The following RBAK variants were observed in gnomAD, a reference collection of about 807,000 sequenced individuals.
RBAK encodes the protein RB-associated KRAB zinc finger protein.
RBAK carries 39 observed loss-of-function variants against 65.8 expected under a neutral mutation model. The observed-to-expected ratio is 0.59, with a 90% CI of 0.46 to 0.77. The LOEUF is 0.77. RBAK is among the 30% of genes least tolerant of loss of function. The pLI, the probability that RBAK is intolerant of heterozygous loss-of-function variation, is 0.00. For missense variants in RBAK, 884 were observed against 855.1 expected, an observed-to-expected ratio of 1.03 and a Z score of -0.42; for synonymous variants, 343 against 289.7, an observed-to-expected ratio of 1.18 and a Z score of -1.87.
intron 2 of RBAK, 73 bp from the exon 3 acceptor site, chr7:5,057,222 G>T (rs997323394): frequency 1.2e-6 from 2 of 1,609,544 alleles, no homozygotes; most frequent in Non-Finnish European, 1.7e-6. Context: ...TAACTTTACC[G>T]GTGGGCTTTG....
Position 5,046,414 on chromosome 7 carries a change from G to A in RBAK, c.-45+18G>A, listed in dbSNP as rs548144187. 61 of 513,696 alleles carry A rather than the reference G, an allele frequency of 1.2e-4. No homozygotes were observed. The highest frequency in any genetic ancestry group is 7.3e-4 in the South Asian group (52 of 71,134). 31.8% of individuals were successfully genotyped at this position (513,696 alleles called of 1,614,324 possible). A position where few individuals can be genotyped will look rare whatever the true frequency, so the allele number is the denominator to read the frequency against. ...CCAGAAGGGTAGGTCTTGGGTTTTC[G>A]GGCCCGGAGCGAGAAGGGCCTGAGT... On this transcript the variant is annotated intron_variant, in intron 1 of 4. Transcript: ENST00000396912.
At chr7:5,057,597 G>T (rs1461621116) in intron 3 of RBAK, 87 bp from the exon 4 acceptor site, 8 of 1,594,886 alleles carry the variant, frequency 5.0e-6, no homozygotes, top group Non-Finnish European at 4.3e-6. Flanking sequence ...CTTCTGTTAT[G>T]CAGCTTATGA....
chr7:5,057,199 C>A, intron 2 of RBAK, 96 bp from the exon 3 acceptor site: 1 of 1,584,660 alleles, frequency 6.3e-7, no homozygotes, highest in Non-Finnish European at 8.6e-7. Flanking sequence ...ATAAGGTATA[C>A]AATGTTTATG....
intron 2 of RBAK, among the ~76,000 whole-genome samples, chr7:5,053,419 A>G (rs1276632182): frequency 6.6e-6 from 1 of 151,890 alleles, no homozygotes; most frequent in Non-Finnish European, 1.5e-5. Flanking sequence ...TAAACTTTTT[A>G]TCACTAGTTT....
chr7:5,057,646 G>A (rs757145975), intron 3 of RBAK, 38 bp from the exon 4 acceptor site: 1 of 1,612,456 alleles, frequency 6.2e-7, no homozygotes, highest in Non-Finnish European at 8.5e-7. Flanking sequence ...CTGAAGCCAA[G>A]CAGCTTCCCC....
At chr7:5,047,490 G>C (rs925921003) in intron 1 of RBAK, among the ~76,000 whole-genome samples, 1 of 150,892 alleles carries the variant, frequency 6.6e-6, no homozygotes, top group African/African-American at 2.4e-5. Flanking sequence ...CAGACTATTT[G>C]TAAAAGGAGT....
At chr7:5,054,036 A>G (rs1175807715) in intron 2 of RBAK, among the ~76,000 whole-genome samples, 1 of 152,202 alleles carries the variant, frequency 6.6e-6, no homozygotes, top group Non-Finnish European at 1.5e-5. Context: ...CACTCAAGGC[A>G]GAAGTTGATT....
At chr7:5,054,437 A>G (rs565930292) in intron 2 of RBAK, among the ~76,000 whole-genome samples, 2 of 150,164 alleles carry the variant, frequency 1.3e-5, no homozygotes, top group Non-Finnish European at 3.0e-5. Context: ...TGCTTCATAT[A>G]TGTTCTCCGT....
At position 5,068,435 on chromosome 7, in the gene RBAK, T is replaced by C. The variant is rs907135356; in HGVS notation, c.*2834T>C. On this transcript the variant is annotated 3_prime_UTR_variant, in exon 5 of 5. Coordinates refer to ENST00000396912, the MANE Select transcript of RBAK (RefSeq NM_021163.4). ...GACTTTAGAGGATATCCACTCACTTTAGAGGATATCCAGACGGCCAATAAG... is the reference window on the plus strand; with the variant it reads ...GACTTTAGAGGATATCCACTCACTTCAGAGGATATCCAGACGGCCAATAAG... 2.0e-5 allele frequency: 3 copies of C among 152,206 alleles called. No individual in the cohort carries two copies. Among genetic ancestry groups the C allele is most frequent in the African/African-American group, 7.2e-5 (3 of 41,444 alleles). 9.4% of individuals were successfully genotyped at this position (152,206 alleles called of 1,614,324 possible).
At chr7:5,061,738 A>C (rs1779078005) in intron 4 of RBAK, among the ~76,000 whole-genome samples, 1 of 151,774 alleles carries the variant, frequency 6.6e-6, no homozygotes, top group African/African-American at 2.4e-5. Flanking sequence ...TCTCTACTAA[A>C]AATACAAAAA....
intron 4 of RBAK, among the ~76,000 whole-genome samples, chr7:5,062,766 C>A (rs976277073): frequency 6.6e-6 from 1 of 152,152 alleles, no homozygotes; most frequent in Non-Finnish European, 1.5e-5. Context: ...CACCCCTAGG[C>A]GCATATTCTC....
chr7:5,047,098 G>A (rs28602725), intron 1 of RBAK, among the ~76,000 whole-genome samples: 2,909 of 152,260 alleles, frequency 0.019, 90 homozygotes, highest in African/African-American at 0.067. Context: ...GCAGTTTAAA[G>A]AGACAATAAG....
chr7:5,065,334 T>C lies in RBAK; in HGVS notation c.1878T>C (p.Ser626=). 1 of 1,613,742 alleles carries C rather than the reference T, an allele frequency of 6.2e-7. No homozygotes were observed. The highest frequency in any genetic ancestry group is 1.1e-5 in the South Asian group (1 of 91,044). The part of the protein sequence containing the change: ...IHSGEKPYEC[S]KCGKVFSRMS... ...CAGGAGAGAAACCCTATGAATGTAGTAAATGTGGAAAAGTCTTCTCTCGGA... is the reference window on the plus strand; with the variant it reads ...CAGGAGAGAAACCCTATGAATGTAGCAAATGTGGAAAAGTCTTCTCTCGGA... The change falls in exon 5 of 5, where the codon AGT becomes AGC. Residue 626 remains serine, a synonymous_variant. Coordinates refer to ENST00000396912, the MANE Select transcript of RBAK (RefSeq NM_021163.4). This position sits in a 1 kb window ranked among gnomAD's most constrained non-coding sequence, Gnocchi z 5.3.
intron 1 of RBAK, among the ~76,000 whole-genome samples, chr7:5,047,757 C>T (rs1773065297): frequency 1.3e-5 from 2 of 152,110 alleles, no homozygotes; most frequent in South Asian, 4.2e-4. Context: ...GCATGTGACA[C>T]TATGCCTGGC....
intron 2 of RBAK, among the ~76,000 whole-genome samples, chr7:5,051,055 T>C (rs1369477369): frequency 5.3e-5 from 8 of 152,200 alleles, no homozygotes; most frequent in African/African-American, 1.9e-4. Context: ...GTGATTCTTT[T>C]TGAAAATTAA....
intron 2 of RBAK, among the ~76,000 whole-genome samples, chr7:5,054,129 G>C (rs931591369): frequency 2.0e-5 from 3 of 152,004 alleles, no homozygotes; most frequent in African/African-American, 7.3e-5. Flanking sequence ...GCTTCAGCCC[G>C]GGCGTGGTGG....
rs776138973 is a variant in RBAK, at chr7:5,064,419, A to G, written c.963A>G (p.Glu321=). 2 of 1,614,146 alleles carry G rather than the reference A, an allele frequency of 1.2e-6. No homozygotes were observed. Among genetic ancestry groups the G allele is most frequent in the South Asian group, 1.1e-5 (1 of 91,084 alleles). Residue 321 remains glutamate (E), a synonymous_variant, in exon 5 of 5, where the codon GAA becomes GAG. Coordinates refer to ENST00000396912, the MANE Select transcript of RBAK (RefSeq NM_021163.4). The surrounding 1 kb of genome is among the most constrained non-coding windows in gnomAD (Gnocchi z 6.3). ...AGGAGAAGCCCTATAAATGTAATGA[A>G]TGTGGGAAAACCTTTTGTCAGAAGT... ...HLEEKPYKCN[E]CGKTFCQKLH...
chr7:5,061,853 G>C (rs917113911), intron 4 of RBAK, among the ~76,000 whole-genome samples: 6 of 151,676 alleles, frequency 4.0e-5, no homozygotes, highest in Non-Finnish European at 8.8e-5. Context: ...AGCCAAAATG[G>C]TGCCATTGTA....
At chr7:5,050,272 G>C (rs989898979) in intron 2 of RBAK, among the ~76,000 whole-genome samples, 1 of 152,210 alleles carries the variant, frequency 6.6e-6, no homozygotes, top group Non-Finnish European at 1.5e-5. Context: ...AACTGGGTTG[G>C]TTATCCTCAG....
Sources: gnomAD v4.1 joint callset for allele counts (sites outside exome capture counted in the v4.1 genomes callset) on GRCh38, gnomAD v4.1.1 for gene constraint, Gnocchi (gnomAD v3.1) non-coding constraint, MANE v1.5 for transcripts, NCBI Gene and HGNC (gene_info 2026-07-23, HGNC 2026-07-21) for gene names.